PRB4: variants seen among roughly 807,000 people sequenced by gnomAD.
PRB4 encodes the protein proline rich protein BstNI subfamily 4, also known as basic salivary proline-rich protein 4.
A neutral mutation model predicts 9.1 loss-of-function variants in PRB4; 14 were observed. The observed-to-expected ratio is 1.54, with a 90% confidence interval of 1.02 to 2.41. PRB4 has a LOEUF of 2.41. Ranked by LOEUF, PRB4 falls within the 30% of genes most tolerant of loss-of-function variation. The pLI is 0.00. For missense variants in PRB4, 381 were observed against 299.3 expected, an observed-to-expected ratio of 1.27 and a Z score of -2.02; for synonymous variants, 102 against 108.5, an observed-to-expected ratio of 0.94 and a Z score of 0.37.
In PRB4 at chr12:11,310,322, C is replaced by G. The variant is rs773121312; in HGVS notation, c.64+13G>C. 239 of 1,614,080 alleles carry G rather than the reference C, an allele frequency of 1.5e-4. No individual in the cohort carries two copies. The highest frequency in any genetic ancestry group is 2.0e-4 in the Non-Finnish European group (234 of 1,180,026). On this transcript the variant is annotated intron_variant, in intron 1 of 3. Transcript: ENST00000279575. ...CCAAGCAGTCACCGCATCTTTTCCC[C>G]CTTCTGTTTTACCTTCACTTGAACT...
chr12:11,308,093 A>G, intron 3 of PRB4, 128 bp downstream of exon 3: 1 of 1,116,158 alleles, frequency 9.0e-7, no homozygotes, highest in Non-Finnish European at 1.3e-6. Flanking sequence ...AGAGTATCTG[A>G]ATACAAATTT....
Position 11,308,762 on chromosome 12 carries a change from G to C in PRB4, c.221C>G (p.Pro74Arg), listed in dbSNP as rs79639556. 25 of 1,593,200 alleles carry C rather than the reference G, an allele frequency of 1.6e-5. No individual in the cohort carries two copies. In the Middle Eastern group the frequency reaches 5.0e-4, roughly 32 times the overall value. Residue 74 changes from proline (P) to arginine (R), a missense_variant, in exon 3 of 4, where the codon CCT (proline) becomes CGT (arginine). Physicochemically the swap from Pro to Arg is moderately radical, Grantham distance 103. Transcript: ENST00000279575. ...GGGTCGTCCTTCTGGCTTTCCTGGA[G>C]GAGGTGGGGGACCTTGGGACTGGTT... ...GGNQSQGPPP[P>R]PGKPEGRPPQ... is the part of the protein sequence containing the mutation.
intron 2 of PRB4, 118 bp downstream of exon 2, chr12:11,309,252 G>A (rs905209161): frequency 6.5e-7 from 1 of 1,539,540 alleles, no homozygotes; most frequent in African/African-American, 1.4e-5. Flanking sequence ...TATCATTAGG[G>A]GCAATAACAT....
chr12:11,308,401 A>C lies in PRB4; in HGVS notation c.582T>G (p.Pro194=), dbSNP rs756112373. Residue 194 remains proline, a synonymous_variant, in exon 3 of 4, where the codon CCT becomes CCG. Transcript: ENST00000279575. ...QGPPQQEGNK[P]QGPPPPGKPQ... ...GCTTTCCAGGAGGTGGGGGACCTTG[A>C]GGCTTGTTGCCTTCTTGTTGGGGTG... The C allele has an allele frequency of 7.5e-6, 12 of 1,599,050 alleles. No individual in the cohort carries two copies. The South Asian group carries it at 1.3e-4, about 18-fold the overall frequency.
At position 11,307,257 on chromosome 12, in the gene PRB4, A is replaced by G. The variant is rs181804683; in HGVS notation, c.*19-58T>C. ...CACTCTTTTGATGCCCTTGCACACA[A>G]TGTGCTCCAAATTGTGGCTTAGAAG... On this transcript the variant is annotated intron_variant, in intron 3 of 3. Coordinates refer to ENST00000279575, the MANE Select transcript of PRB4 (RefSeq NM_002723.6). The G allele has an allele frequency of 3.5e-3, 531 of 152,804 alleles. 1 individual carries two copies. The highest frequency in any genetic ancestry group is 5.6e-3 in the Non-Finnish European group (383 of 68,038). 9.5% of individuals were successfully genotyped at this position (152,804 alleles called of 1,614,324 possible). A position where few individuals can be genotyped will look rare whatever the true frequency, so the allele number is the denominator to read the frequency against.
intron 2 of PRB4, 101 bp from the exon 3 acceptor site, chr12:11,308,983 A>G: frequency 6.6e-7 from 1 of 1,517,658 alleles, no homozygotes; most frequent in South Asian, 1.1e-5. Flanking sequence ...AGACCCAGAT[A>G]CTAATTTCTT....
At chr12:11,307,542 A>G (rs909183385) in intron 3 of PRB4, among the ~76,000 whole-genome samples, 1 of 152,188 alleles carries the variant, frequency 6.6e-6, no homozygotes, top group Non-Finnish European at 1.5e-5. Context: ...ATTTTAAAAA[A>G]ATGTATTTTT....
rs375737921 is a variant in PRB4 at position 11,307,178 on chromosome 12, C to T, written c.*40G>A. 1 of 153,268 alleles carries T rather than the reference C, an allele frequency of 6.5e-6. No homozygotes were observed. The highest frequency in any genetic ancestry group is 1.9e-4 in the East Asian group (1 of 5,206). 9.5% of individuals were successfully genotyped at this position (153,268 alleles called of 1,614,324 possible). A position where few individuals can be genotyped will look rare whatever the true frequency, so the allele number is the denominator to read the frequency against. On this transcript the variant is annotated 3_prime_UTR_variant, in exon 4 of 4. Coordinates refer to ENST00000279575, the MANE Select transcript of PRB4 (RefSeq NM_002723.6). ...GTAGCAATTGAATTATTTGAATTCACTGATATCTTCTTATTCACTTCCTGA... is the reference window on the plus strand; with the variant it reads ...GTAGCAATTGAATTATTTGAATTCATTGATATCTTCTTATTCACTTCCTGA...
chr12:11,307,498 A>G (rs1476163221), intron 3 of PRB4, among the ~76,000 whole-genome samples: 2 of 152,236 alleles, frequency 1.3e-5, no homozygotes, highest in African/African-American at 4.8e-5. Context: ...AAACCACTGA[A>G]GATATGTAGT....
In PRB4 at chr12:11,309,536, T is replaced by A. The variant is rs1462510635; in HGVS notation, c.65-131A>T. 3.2e-6 allele frequency: 5 copies of A among 1,551,512 alleles called. No individual in the cohort carries two copies. In the African/African-American group the frequency reaches 6.8e-5, roughly 21 times the overall value. ...CTAGGTTAACTCATCAGCCACCATC[T>A]GTGAAGGTGCTGGAAGGGGTGGAAG... On this transcript the variant is annotated intron_variant, in intron 1 of 3. Coordinates refer to ENST00000279575, the MANE Select transcript of PRB4 (RefSeq NM_002723.6).
rs780693310 is a variant in PRB4 at position 11,308,208 on chromosome 12, A to C, written c.*18+13T>G. 19 of 1,601,638 alleles carry C rather than the reference A, an allele frequency of 1.2e-5. No homozygotes were observed. Among genetic ancestry groups the C allele is most frequent in the Admixed American group, 1.7e-5 (1 of 57,982 alleles). ...CAATTAGAGTCCTGATGAATAATAA[A>C]GTGGAATCATACCTGTCATTGAATC... On this transcript the variant is annotated intron_variant, in intron 3 of 3. Coordinates refer to ENST00000279575, the MANE Select transcript of PRB4 (RefSeq NM_002723.6).
Position 11,310,303 on chromosome 12 carries a change from A to G in PRB4, c.64+32T>C, listed in dbSNP as rs747489198. 5.0e-6 allele frequency: 8 copies of G among 1,613,394 alleles called. No homozygotes were observed. The South Asian group carries it at 7.7e-5, about 16-fold the overall frequency. Reference sequence around the variant, plus strand: ...CACTGTCACCTCCTAAGTCCCAAGCAGTCACCGCATCTTTTCCCCCTTCTG... The same window carrying G: ...CACTGTCACCTCCTAAGTCCCAAGCGGTCACCGCATCTTTTCCCCCTTCTG... On this transcript the variant is annotated intron_variant, in intron 1 of 3. Transcript: ENST00000279575.
At position 11,308,369 on chromosome 12, in the gene PRB4, C is replaced by T. The variant is rs762354038; in HGVS notation, c.614G>A (p.Gly205Asp). ...GGGATTGCCTCCTGCTGGGGGTGGG[C>T]CTTGTGGCTTTCCAGGAGGTGGGGG... ...QGPPPPGKPQ[G>D]PPPAGGNPQQ... Residue 205 changes from glycine to aspartate, a missense_variant, in exon 3 of 4, where the codon GGC becomes GAC. This residue lies in a region of PRB4 where 204 missense variants were observed against 134.4 expected (regional missense o/e 1.52). Transcript: ENST00000279575. The T allele has an allele frequency of 1.9e-6, 3 of 1,599,818 alleles. No individual in the cohort carries two copies. The South Asian group carries it at 3.3e-5, about 18-fold the overall frequency.
Position 11,308,302 on chromosome 12 carries a change from T to C in PRB4, c.681A>G (p.Pro227=). ...GCCTGCCCCCTTGAGGAGGTGGAGG[T>C]GGCCCCTGGGGCTTTCCAGCAGGAG... The part of the protein sequence containing the change: ...QAPPAGKPQG[P]PPPPQGGRPP... The change falls in exon 3 of 4, where the codon CCA becomes CCG. Residue 227 remains proline (P), a synonymous_variant. Coordinates refer to ENST00000279575, the MANE Select transcript of PRB4 (RefSeq NM_002723.6). 10 of 1,609,446 alleles carry C rather than the reference T, an allele frequency of 6.2e-6. No individual in the cohort carries two copies. The highest frequency in any genetic ancestry group is 8.5e-6 in the Non-Finnish European group (10 of 1,177,762).
At position 11,308,205 on chromosome 12, in the gene PRB4, T is replaced by C; in HGVS notation, c.*18+16A>G. The C allele has an allele frequency of 6.3e-7, 1 of 1,599,706 alleles. No homozygotes were observed. The highest frequency in any genetic ancestry group is 8.5e-7 in the Non-Finnish European group (1 of 1,172,940). The stretch of plus-strand genomic sequence containing the variant: ...TAGCAATTAGAGTCCTGATGAATAA[T>C]AAAGTGGAATCATACCTGTCATTGA... On this transcript the variant is annotated intron_variant, in intron 3 of 3. Transcript: ENST00000279575.
rs754738905 is a variant in PRB4 at position 11,310,405 on chromosome 12, G to C, written c.-7C>G. On this transcript the variant is annotated 5_prime_UTR_variant, in exon 1 of 4. Transcript: ENST00000279575. ...ACAGCAGAATCAGCAGCATCTCGCT[G>C]GAGGCTCTGGAGTCACTCCCAACTC... The C allele has an allele frequency of 3.8e-5, 62 of 1,614,088 alleles. No homozygotes were observed. The highest frequency in any genetic ancestry group is 5.1e-5 in the Non-Finnish European group (60 of 1,180,042).
At position 11,308,342 on chromosome 12, in the gene PRB4, T is replaced by G; in HGVS notation, c.641A>C (p.Gln214Pro). The G allele has an allele frequency of 6.2e-7, 1 of 1,610,048 alleles. No homozygotes were observed. The highest frequency in any genetic ancestry group is 8.5e-7 in the Non-Finnish European group (1 of 1,177,136). ...TCCAGCAGGAGGTGCCTGAGGCTGC[T>G]GGGGATTGCCTCCTGCTGGGGGTGG... ...QGPPPAGGNP[Q>P]QPQAPPAGKP... Residue 214 changes from glutamine to proline, a missense_variant, in exon 3 of 4, where the codon CAG becomes CCG. By Grantham distance (76) the Gln-to-Pro change is moderately conservative. This residue lies in a region of PRB4 where 204 missense variants were observed against 134.4 expected (regional missense o/e 1.52). Coordinates refer to ENST00000279575, the MANE Select transcript of PRB4 (RefSeq NM_002723.6).
At chr12:11,308,092 G>A in intron 3 of PRB4, 129 bp downstream of exon 3, 1 of 1,111,994 alleles carries the variant, frequency 9.0e-7, no homozygotes, top group Non-Finnish European at 1.3e-6. Context: ...CAGAGTATCT[G>A]AATACAAATT....
chr12:11,309,216 A>C (rs1356189751), intron 2 of PRB4, among the ~76,000 whole-genome samples, 154 bp downstream of exon 2: 1 of 152,226 alleles, frequency 6.6e-6, no homozygotes, highest in Non-Finnish European at 1.5e-5. Context: ...TGGTCCCCAG[A>C]ATCAAGTTTG....
Sources: gnomAD v4.1 joint callset for allele counts (sites outside exome capture counted in the v4.1 genomes callset) on GRCh38, gnomAD v4.1.1 for gene constraint, gnomAD v4.1.1 regional missense constraint, MANE v1.5 for transcripts, NCBI Gene and HGNC (gene_info 2026-07-23, HGNC 2026-07-21) for gene names.